The following OTOA variants were observed in gnomAD, a reference collection of about 807,000 sequenced individuals.
OTOA encodes the protein otoancorin.
In OTOA, 70 loss-of-function variants were observed where a neutral mutation model predicts 110.8. The observed-to-expected ratio is 0.63, with a 90% CI of 0.52 to 0.77. The LOEUF (loss-of-function observed/expected upper bound fraction) is 0.77, where lower values mean the gene tolerates loss of function less well. Among genes scored for constraint, OTOA ranks in the 30% least tolerant of loss-of-function variants. OTOA has a pLI of 0.00. For missense variants in OTOA, 917 were observed against 1,075.8 expected (o/e 0.85, Z 2.06); for synonymous variants, 373 against 431.5 (o/e 0.86, Z 1.68).
chr16:21,714,293 T>TCCTTCC (rs1242723115), intron 13 of OTOA, among the ~76,000 whole-genome samples: 2 of 61,878 alleles, frequency 3.2e-5, no homozygotes, highest in South Asian at 7.7e-4. Context: ...CTTTCTTTCT[T>TCCTTCC]TTCCTTTCTT....
chr16:21,727,883 A>AC (rs1006560329), intron 19 of OTOA, among the ~76,000 whole-genome samples: 1 of 144,998 alleles, frequency 6.9e-6, no homozygotes, highest in Non-Finnish European at 1.5e-5. Context: ...TTTTTTTGAG[A>AC]CAGAGTTTTC....
chr16:21,687,441 G>A lies in OTOA; in HGVS notation c.428G>A (p.Gly143Glu). Residue 143 changes from glycine (G) to glutamate (E), a missense_variant, in exon 8 of 29, where the codon GGA becomes GAA. By Grantham distance (98) the Gly-to-Glu change is moderately conservative. Transcript: ENST00000646100. ...CTGAAAGACATCATCATCGACTTAGGAGAGATTCGAGAACGAGCCTTGCAG... is the reference window on the plus strand; with the variant it reads ...CTGAAAGACATCATCATCGACTTAGAAGAGATTCGAGAACGAGCCTTGCAG... ...LDLKDIIIDL[G>E]EIRERALQSP... 6.2e-7 allele frequency: 1 copy of A among 1,614,086 alleles called. No homozygotes were observed. Among genetic ancestry groups the A allele is most frequent in the Non-Finnish European group, 8.5e-7 (1 of 1,180,012 alleles).
At chr16:21,669,944 G>T (rs917612061) in intron 1 of OTOA, among the ~76,000 whole-genome samples, 4 of 151,986 alleles carry the variant, frequency 2.6e-5, no homozygotes, top group African/African-American at 7.2e-5. Context: ...TGGCCAACAG[G>T]GTGAAATCTC....
chr16:21,715,136 A>T lies in OTOA; in HGVS notation c.1472A>T (p.Gln491Leu). 6.2e-7 allele frequency: 1 copy of T among 1,614,188 alleles called. No homozygotes were observed. Residue 491 changes from glutamine (Q) to leucine (L), a missense_variant, in exon 14 of 29, where the codon CAA (glutamine) becomes CTA (leucine). By Grantham distance (113) the Gln-to-Leu change is moderately radical. Transcript: ENST00000646100. ...YVSDLSPAQQ[Q>L]GILSKMVQAE... ...TCCGACTTGTCACCTGCCCAGCAGCAAGGTATCCTCAGCAAGGTGAGAGGA... is the reference window on the plus strand; with the variant it reads ...TCCGACTTGTCACCTGCCCAGCAGCTAGGTATCCTCAGCAAGGTGAGAGGA...
At chr16:21,752,849 AT>A (rs1161953246) in intron 26 of OTOA, among the ~76,000 whole-genome samples, 177 bp from the exon 27 acceptor site, 10 of 126,344 alleles carry the variant, frequency 7.9e-5, no homozygotes, top group Admixed American at 2.5e-4. Flanking sequence ...TGTGACCCAC[AT>A]TTTTTTTTTC....
At chr16:21,718,975 T>G (rs1898638881) in intron 15 of OTOA, among the ~76,000 whole-genome samples, 158 bp from the exon 16 acceptor site, 1 of 152,200 alleles carries the variant, frequency 6.6e-6, no homozygotes, top group Non-Finnish European at 1.5e-5. Flanking sequence ...GCACTGCCAC[T>G]TAGCAATGGT....
intron 21 of OTOA, among the ~76,000 whole-genome samples, chr16:21,731,369 T>C (rs57582465): frequency 0.049 from 7,447 of 152,296 alleles, 353 homozygotes; most frequent in East Asian, 0.18. Flanking sequence ...GGAGTAAGGC[T>C]CCAGAAGTTA....
At chr16:21,730,544 G>A in intron 20 of OTOA, 1 of 384,168 alleles carries the variant, frequency 2.6e-6, no homozygotes, top group Non-Finnish European at 5.1e-6. Flanking sequence ...GTTCCTTGGT[G>A]TGGTCTTTAC....
rs182374765 is a variant in OTOA at position 21,699,818 on chromosome 16, C to T, written c.841-1070C>T. ...CCTGTAATCCCAGCTACTCAGGAGG[C>T]TGAGGCAGGAGTATCACTTGAACCC... is the stretch of plus-strand genomic sequence containing the variant. On this transcript the variant is annotated intron_variant, in intron 10 of 28. Coordinates refer to ENST00000646100, the MANE Select transcript of OTOA (RefSeq NM_144672.4). Among the ~76,000 whole-genome samples, 4 of 152,190 alleles carry T rather than the reference C, an allele frequency of 2.6e-5. No homozygotes were observed. The East Asian group carries it at 7.7e-4, about 29-fold the overall frequency.
At chr16:21,684,182 G>A (rs1966953871) in intron 6 of OTOA, among the ~76,000 whole-genome samples, 1 of 151,982 alleles carries the variant, frequency 6.6e-6, no homozygotes, top group African/African-American at 2.4e-5. Context: ...TGAGCATCCT[G>A]TATTTTACCC....
chr16:21,716,862 A>G (rs1182364174), intron 14 of OTOA, 45 bp from the exon 15 acceptor site: 21 of 1,611,976 alleles, frequency 1.3e-5, no homozygotes, highest in Middle Eastern at 1.8e-4. Flanking sequence ...TCAAAGCTCA[A>G]TGCATTTTTT....
chr16:21,699,657 G>T (rs560888407), intron 10 of OTOA, among the ~76,000 whole-genome samples: 1 of 152,020 alleles, frequency 6.6e-6, no homozygotes, highest in Non-Finnish European at 1.5e-5. Context: ...AGTGGCTCAC[G>T]CCTCTACTCC....
intron 8 of OTOA, among the ~76,000 whole-genome samples, chr16:21,689,832 CAT>C (rs1897792715): frequency 6.6e-6 from 1 of 152,024 alleles, no homozygotes; most frequent in African/African-American, 2.4e-5. Context: ...ATTACAGGTG[CAT>C]GCCACCACGC....
chr16:21,751,556 C>T (rs1209736160), intron 24 of OTOA, among the ~76,000 whole-genome samples: 10 of 89,348 alleles, frequency 1.1e-4, no homozygotes, highest in African/African-American at 3.0e-4. Context: ...GGAGAAGAAA[C>T]GTTGTGGAAA....
intron 17 of OTOA, among the ~76,000 whole-genome samples, chr16:21,722,610 T>C (rs1238856015): frequency 6.6e-6 from 1 of 152,148 alleles, no homozygotes; most frequent in Non-Finnish European, 1.5e-5. Flanking sequence ...GTATATACCA[T>C]AATTTACTTA....
intron 13 of OTOA, among the ~76,000 whole-genome samples, chr16:21,714,228 TTTC>T (rs1898446348): frequency 6.8e-6 from 1 of 148,140 alleles, no homozygotes; most frequent in Non-Finnish European, 1.5e-5. Flanking sequence ...TCTCTCTCTC[TTTC>T]TTTCTTTCCT....
chr16:21,759,138 A>G (rs462344), intron 28 of OTOA, among the ~76,000 whole-genome samples: 3,100 of 152,034 alleles, frequency 0.02, 53 homozygotes, highest in Middle Eastern at 0.031. Context: ...TTCCGAATAT[A>G]TAAAGTCTGC....
intron 17 of OTOA, chr16:21,721,435 T>C (rs1281886241): frequency 2.2e-6 from 1 of 455,738 alleles, no homozygotes; most frequent in East Asian, 6.9e-5. Flanking sequence ...CTCTAGTGGG[T>C]AGAGGCCAGG....
At chr16:21,716,772 TGA>T in intron 14 of OTOA, 133 bp from the exon 15 acceptor site, 1 of 976,774 alleles carries the variant, frequency 1.0e-6, no homozygotes, top group East Asian at 2.4e-5. Flanking sequence ...GAAATGGGGA[TGA>T]TGCTACTCTC....
Sources: gnomAD v4.1 joint callset for allele counts (sites outside exome capture counted in the v4.1 genomes callset) on GRCh38, gnomAD v4.1.1 for gene constraint, MANE v1.5 for transcripts, NCBI Gene and HGNC (gene_info 2026-07-23, HGNC 2026-07-21) for gene names.